The following TRPS1 variants were observed in gnomAD, a reference collection of about 807,000 sequenced individuals.
TRPS1 encodes the protein transcriptional repressor GATA binding 1, also known as zinc finger transcription factor Trps1.
TRPS1 carries 6 observed loss-of-function variants against 101.2 expected under a neutral mutation model. That is an observed-to-expected ratio of 0.06 (90% CI 0.03 to 0.12). The LOEUF (loss-of-function observed/expected upper bound fraction) is 0.12, where lower values mean the gene tolerates loss of function less well. Among genes scored for constraint, TRPS1 ranks in the 10% least tolerant of loss-of-function variants. TRPS1 has a pLI of 1.00. For synonymous variants in TRPS1, 578 were observed against 589.8 expected (o/e 0.98, Z 0.29); for missense variants, 1,363 against 1,567.0 (o/e 0.87, Z 2.20).
rs1039993281 is a variant in TRPS1 at position 115,587,054 on chromosome 8, A to T, written c.2647T>A (p.Tyr883Asn). 1 of 1,614,060 alleles carries T rather than the reference A, an allele frequency of 6.2e-7. No individual in the cohort carries two copies. The highest frequency in any genetic ancestry group is 1.3e-5 in the African/African-American group (1 of 74,944). The change falls in exon 5 of 7, where the codon TAT becomes AAT. Residue 883 changes from tyrosine (Y) to asparagine (N), a missense_variant. Physicochemically the swap from Tyr to Asn is moderately radical, Grantham distance 143 (BLOSUM62 -2). Transcript: ENST00000395715. ...GACTTGTTTTCTCCCGATGCAGGAT[A>T]CTGCTGGGGGAGGGCCCCAGACTTC... ...GEKSGALPQQ[Y>N]PASGENKSKD...
intron 5 of TRPS1, among the ~76,000 whole-genome samples, chr8:115,561,219 C>T (rs961112856): frequency 6.6e-6 from 1 of 152,094 alleles, no homozygotes; most frequent in African/African-American, 2.4e-5. Flanking sequence ...CACCTATATT[C>T]TGGGCATCTG....
chr8:115,623,699 C>A lies in TRPS1; in HGVS notation c.-62G>T. 6.3e-7 allele frequency: 1 copy of A among 1,594,322 alleles called. No homozygotes were observed. Among genetic ancestry groups the A allele is most frequent in the Non-Finnish European group, 8.6e-7 (1 of 1,169,172 alleles). On this transcript the variant is annotated 5_prime_UTR_variant, in exon 2 of 7. Coordinates refer to ENST00000395715, the MANE Select transcript of TRPS1 (RefSeq NM_014112.5). Reference sequence around the variant, plus strand: ...TTAGTCAACTAGCAGGAGGCTAATGCAATTGTCTTAGAAGACGCTCAGAAG... The same window carrying A: ...TTAGTCAACTAGCAGGAGGCTAATGAAATTGTCTTAGAAGACGCTCAGAAG...
intron 5 of TRPS1, among the ~76,000 whole-genome samples, chr8:115,528,849 T>A (rs139698194): frequency 6.6e-6 from 1 of 152,096 alleles, no homozygotes; most frequent in East Asian, 1.9e-4. Context: ...AATACTAAGT[T>A]CCCTAATTTT....
intron 3 of TRPS1, among the ~76,000 whole-genome samples, chr8:115,609,904 A>C (rs1818124456): frequency 6.6e-6 from 1 of 152,192 alleles, no homozygotes; most frequent in South Asian, 2.1e-4. Flanking sequence ...GAAGAATATA[A>C]AAGGGTTGGT....
chr8:115,650,868 A>C (rs1811544877), intron 1 of TRPS1, among the ~76,000 whole-genome samples: 1 of 152,202 alleles, frequency 6.6e-6, no homozygotes, highest in East Asian at 1.9e-4. Context: ...GGTTGTGCTC[A>C]GCTCCTAACC....
chr8:115,434,908 T>G (rs1707259386), intron 5 of TRPS1, among the ~76,000 whole-genome samples: 1 of 152,226 alleles, frequency 6.6e-6, no homozygotes, highest in South Asian at 2.1e-4. Context: ...CTACCTTACT[T>G]ATAAACTCTG....
chr8:115,662,124 T>C (rs183921287), intron 1 of TRPS1, among the ~76,000 whole-genome samples: 55 of 152,156 alleles, frequency 3.6e-4, no homozygotes, highest in Admixed American at 3.0e-3. Context: ...AAGGAATGCC[T>C]ACGATTTGAA....
At chr8:115,626,442 T>G (rs1157405144) in intron 1 of TRPS1, among the ~76,000 whole-genome samples, 2 of 151,774 alleles carry the variant, frequency 1.3e-5, no homozygotes, top group Non-Finnish European at 3.0e-5. Flanking sequence ...TTCTTCAGAT[T>G]CCAAGGCAAT....
chr8:115,523,952 C>A (rs1230572052), intron 5 of TRPS1, among the ~76,000 whole-genome samples: 1 of 152,104 alleles, frequency 6.6e-6, no homozygotes, highest in African/African-American at 2.4e-5. Context: ...ACTAGTTTAG[C>A]CTTCACGAAA....
rs530145060 is a variant in TRPS1 at position 115,459,349 on chromosome 8, G to A, written c.2701-40897C>T. Among the ~76,000 whole-genome samples the A allele has an allele frequency of 4.5e-3, 538 of 119,086 alleles. 1 individual carries two copies. Among genetic ancestry groups the A allele is most frequent in the Non-Finnish European group, 6.7e-3 (321 of 47,980 alleles). The allele number at this position is 119,086 out of a possible 152,430, so 78.1% of individuals were successfully genotyped here. On this transcript the variant is annotated intron_variant, in intron 5 of 6. Transcript: ENST00000395715. The stretch of plus-strand genomic sequence containing the variant: ...AAATAATAATAATAATAATAATAAT[G>A]ATGTTACCTTTTCTTTTTTAACCAA...
chr8:115,520,394 C>T (rs1303505840), intron 5 of TRPS1, among the ~76,000 whole-genome samples: 2 of 151,774 alleles, frequency 1.3e-5, no homozygotes, highest in Non-Finnish European at 2.9e-5. Flanking sequence ...CTCCCTATAA[C>T]TTGCTGTAGA....
At chr8:115,608,020 A>G (rs1179281111) in intron 3 of TRPS1, among the ~76,000 whole-genome samples, 1 of 152,180 alleles carries the variant, frequency 6.6e-6, no homozygotes, top group Non-Finnish European at 1.5e-5. Flanking sequence ...ATTATGCAAA[A>G]TAAGTGTTTT....
chr8:115,576,613 A>G (rs1817325509), intron 5 of TRPS1, among the ~76,000 whole-genome samples: 1 of 152,134 alleles, frequency 6.6e-6, no homozygotes, highest in Non-Finnish European at 1.5e-5. Context: ...AATCCAGAGC[A>G]CTTTCCACTA....
chr8:115,615,556 C>G (rs915171441), intron 3 of TRPS1, among the ~76,000 whole-genome samples: 1 of 151,992 alleles, frequency 6.6e-6, no homozygotes, highest in African/African-American at 2.4e-5. Context: ...GTCAGGAGTT[C>G]GAGACCAGCC....
chr8:115,599,161 C>T (rs1273337613), intron 4 of TRPS1, among the ~76,000 whole-genome samples: 1 of 152,044 alleles, frequency 6.6e-6, no homozygotes, highest in East Asian at 1.9e-4. Flanking sequence ...TGATATTTTG[C>T]CCCTCCTTGC....
intron 5 of TRPS1, among the ~76,000 whole-genome samples, chr8:115,438,407 C>T (rs956797135): frequency 3.9e-5 from 6 of 152,124 alleles, no homozygotes; most frequent in Non-Finnish European, 7.3e-5. Context: ...CTGATAGGTG[C>T]TCTAATAAAG....
intron 5 of TRPS1, among the ~76,000 whole-genome samples, chr8:115,535,088 T>C (rs1020525640): frequency 3.4e-5 from 5 of 148,186 alleles, no homozygotes; most frequent in Non-Finnish European, 7.4e-5. Flanking sequence ...ATATAGCATA[T>C]ATATCGCATA....
At chr8:115,459,770 A>G (rs902456401) in intron 5 of TRPS1, among the ~76,000 whole-genome samples, 2 of 152,224 alleles carry the variant, frequency 1.3e-5, no homozygotes, top group Non-Finnish European at 2.9e-5. Flanking sequence ...GTAGAACATA[A>G]TCAAATTCAG....
chr8:115,425,694 C>G (rs998538865), intron 5 of TRPS1, among the ~76,000 whole-genome samples: 2 of 152,152 alleles, frequency 1.3e-5, no homozygotes, highest in African/African-American at 4.8e-5. Flanking sequence ...CCATGTATAT[C>G]CCACTCTTTA....
Sources: allele counts gnomAD v4.1 joint callset (sites outside exome capture counted in the v4.1 genomes callset), GRCh38; gene constraint gnomAD v4.1.1; transcripts MANE v1.5; gene names NCBI Gene and HGNC (gene_info 2026-07-23, HGNC 2026-07-21).